The following SLFN12L variants were observed in gnomAD, a reference collection of about 807,000 sequenced individuals.
SLFN12L encodes the protein schlafen family member 12 like, also known as schlafen family member 12-like.
A neutral mutation model predicts 34.8 loss-of-function variants in SLFN12L; 34 were observed. The ratio of observed to expected loss-of-function variants is 0.98; its 90% CI spans 0.74 to 1.30. SLFN12L has a LOEUF of 1.30. Ranked by LOEUF, SLFN12L falls within the 50% of genes most tolerant of loss-of-function variation. SLFN12L has a pLI of 0.00. For synonymous variants in SLFN12L, 259 were observed against 247.5 expected, an observed-to-expected ratio of 1.05 and a Z score of -0.44; for missense variants, 703 against 696.2, an observed-to-expected ratio of 1.01 and a Z score of -0.11.
At chr17:35,490,842 T>C in intron 2 of SLFN12L, 4 of 1,098,542 alleles carry the variant, frequency 3.6e-6, no homozygotes, top group Non-Finnish European at 5.6e-6. Flanking sequence ...ATTTGGCAGG[T>C]ACCCAAGGGC....
rs543694491 is a variant in SLFN12L at position 35,510,440 on chromosome 17, G to C, written c.86+11839C>G. On this transcript the variant is annotated intron_variant, in intron 2 of 4. Transcript: ENST00000628453. ...TGGCCATAAAAAGAAATGAAGCACT[G>C]ATGCAGGCTGCAACACGGATGAACT... Among the ~76,000 whole-genome samples, 5 of 152,332 alleles carry C rather than the reference G, an allele frequency of 3.3e-5. No individual in the cohort carries two copies. The East Asian group carries it at 9.6e-4, about 29-fold the overall frequency.
At chr17:35,524,001 T>A (rs1411212535) in intron 1 of SLFN12L, among the ~76,000 whole-genome samples, 1 of 152,204 alleles carries the variant, frequency 6.6e-6, no homozygotes, top group Non-Finnish European at 1.5e-5. Context: ...TTTGCCCTAT[T>A]GTGGCAGTGG....
At chr17:35,500,078 GCTAA>G (rs1203082469) in intron 2 of SLFN12L, 2 of 152,090 alleles carry the variant, frequency 1.3e-5, no homozygotes, top group Admixed American at 6.6e-5. Flanking sequence ...AAAATATCAC[GCTAA>G]CTAAGTTACA....
At chr17:35,530,591 A>G (rs975152716) in intron 1 of SLFN12L, among the ~76,000 whole-genome samples, 1 of 152,070 alleles carries the variant, frequency 6.6e-6, no homozygotes, top group African/African-American at 2.4e-5. Flanking sequence ...TTTGGACTAT[A>G]CATTCTTATG....
At chr17:35,503,651 C>CA (rs1240626054) in intron 2 of SLFN12L, among the ~76,000 whole-genome samples, 2 of 152,206 alleles carry the variant, frequency 1.3e-5, no homozygotes, top group African/African-American at 4.8e-5. Flanking sequence ...GATGTCCCCA[C>CA]ATTTAAAACA....
At chr17:35,503,025 A>G (rs1325720337) in intron 2 of SLFN12L, among the ~76,000 whole-genome samples, 1 of 152,236 alleles carries the variant, frequency 6.6e-6, no homozygotes, top group Non-Finnish European at 1.5e-5. Context: ...AAAAGAATTT[A>G]TGCAAGAAAT....
chr17:35,532,553 T>C (rs1289885438), intron 1 of SLFN12L, among the ~76,000 whole-genome samples: 1 of 152,088 alleles, frequency 6.6e-6, no homozygotes, highest in African/African-American at 2.4e-5. Flanking sequence ...AAAAATTTTA[T>C]AAAGTACCTG....
chr17:35,495,191 C>G (rs965004036), intron 2 of SLFN12L, among the ~76,000 whole-genome samples: 2 of 152,138 alleles, frequency 1.3e-5, no homozygotes, highest in Non-Finnish European at 2.9e-5. Flanking sequence ...TGAGCCACCA[C>G]GCCTGGCCGC....
At chr17:35,485,935 G>C (rs193030900) in intron 2 of SLFN12L, among the ~76,000 whole-genome samples, 6 of 152,236 alleles carry the variant, frequency 3.9e-5, no homozygotes, top group Non-Finnish European at 7.4e-5. Flanking sequence ...GTGGTGTAAG[G>C]CTCCCTATCC....
In SLFN12L at chr17:35,505,734, G is replaced by A. The variant is rs140378689; in HGVS notation, c.86+16545C>T. On this transcript the variant is annotated intron_variant, in intron 2 of 4. Coordinates refer to ENST00000628453, the MANE Select transcript of SLFN12L (RefSeq NM_001363830.2). ...GCGGTACATGAATGGGAGCAGCTTC[G>A]CCAACCCCTGTAAAGTGACTCTGAA... Among the ~76,000 whole-genome samples, 740 of 152,206 alleles carry A rather than the reference G, an allele frequency of 4.9e-3. 10 individuals are homozygous for A. The highest frequency in any genetic ancestry group is 4.0e-3 in the Non-Finnish European group (272 of 68,010).
At chr17:35,516,300 G>T (rs1013849338) in intron 2 of SLFN12L, among the ~76,000 whole-genome samples, 4 of 152,152 alleles carry the variant, frequency 2.6e-5, no homozygotes, top group Non-Finnish European at 4.4e-5. Context: ...CCATTTTCCA[G>T]CTCCCCAGCA....
chr17:35,523,705 A>G (rs2072304742), intron 1 of SLFN12L, among the ~76,000 whole-genome samples: 1 of 152,170 alleles, frequency 6.6e-6, no homozygotes, highest in Non-Finnish European at 1.5e-5. Context: ...GGAGGCCGAG[A>G]TGGGTGATCA....
chr17:35,517,885 C>G (rs560165526), intron 2 of SLFN12L, among the ~76,000 whole-genome samples: 2 of 152,272 alleles, frequency 1.3e-5, no homozygotes, highest in South Asian at 4.1e-4. Context: ...TACACCTATA[C>G]AAAAATTAAC....
intron 2 of SLFN12L, chr17:35,510,175 A>G (rs2142157770): frequency 6.6e-6 from 1 of 152,378 alleles, no homozygotes; most frequent in East Asian, 1.9e-4. Flanking sequence ...CAAAGCAATA[A>G]CTATTACATA....
In SLFN12L at chr17:35,480,050, G is replaced by A. The variant is rs369521124; in HGVS notation, c.232C>T (p.Leu78=). The A allele has an allele frequency of 3.1e-6, 5 of 1,613,972 alleles. No homozygotes were observed. The African/African-American group carries it at 6.7e-5, about 22-fold the overall frequency. Residue 78 remains leucine (L), a synonymous_variant, in exon 3 of 5, where the codon CTG becomes TTG. Coordinates refer to ENST00000628453, the MANE Select transcript of SLFN12L (RefSeq NM_001363830.2). ...NNRKKMKDCQ[L]RKQQNENVSR... is the part of the protein sequence containing the mutation. ...ACATTTTCATTCTGCTGTTTTCTCA[G>A]TTGACAATCCTTCATTTTTTTTCTA...
intron 2 of SLFN12L, among the ~76,000 whole-genome samples, chr17:35,485,508 G>A (rs1914544245): frequency 6.6e-6 from 1 of 152,190 alleles, no homozygotes; most frequent in Admixed American, 6.5e-5. Context: ...TTGCTGTGCA[G>A]ACGCTGTTTA....
At chr17:35,528,570 C>T (rs1387837513) in intron 1 of SLFN12L, among the ~76,000 whole-genome samples, 1 of 152,100 alleles carries the variant, frequency 6.6e-6, no homozygotes. Context: ...TCTGACAAAC[C>T]TAACAAAAAC....
Position 35,475,398 on chromosome 17 carries a change from T to A in SLFN12L, c.1364A>T (p.Glu455Val), listed in dbSNP as rs200402623. 1 of 1,614,200 alleles carries A rather than the reference T, an allele frequency of 6.2e-7. No homozygotes were observed. Among genetic ancestry groups the A allele is most frequent in the East Asian group, 2.2e-5 (1 of 44,882 alleles). Residue 455 changes from glutamate (E) to valine (V), a missense_variant, in exon 5 of 5, where the codon GAA (glutamate) becomes GTA (valine). Coordinates refer to ENST00000628453, the MANE Select transcript of SLFN12L (RefSeq NM_001363830.2). The part of the protein sequence containing the change: ...QHEGLKQLIC[E>V]EMGSVNKGSL... ...GCCCTTATTGACAGAGCCCATTTCT[T>A]CACATATTAATTGCTTAAGTCCTTC...
At chr17:35,491,082 T>C (rs916433602) in intron 2 of SLFN12L, 3 of 779,490 alleles carry the variant, frequency 3.8e-6, no homozygotes, top group Non-Finnish European at 7.1e-6. Context: ...TGACCATTTG[T>C]GAACTTACTG....
Sources: allele counts gnomAD v4.1 joint callset (sites outside exome capture counted in the v4.1 genomes callset), GRCh38; gene constraint gnomAD v4.1.1; transcripts MANE v1.5; gene names NCBI Gene and HGNC (gene_info 2026-07-23, HGNC 2026-07-21).